The following AP3S2 variants were observed in gnomAD, a reference collection of about 807,000 sequenced individuals.
AP3S2 encodes the protein AP-3 complex subunit sigma-2.
AP3S2 carries 22 observed loss-of-function variants against 23.4 expected under a neutral mutation model. The ratio of observed to expected loss-of-function variants is 0.94; its 90% CI spans 0.67 to 1.34. The LOEUF (loss-of-function observed/expected upper bound fraction) is 1.34. AP3S2 is among the 40% of genes most tolerant of loss of function. The pLI is 0.00. For missense variants in AP3S2, 241 were observed against 236.9 expected (o/e 1.02, Z -0.11); for synonymous variants, 86 against 87.1 (o/e 0.99, Z 0.07).
chr15:89,885,982 T>C (rs1305481310), intron 3 of AP3S2, among the ~76,000 whole-genome samples: 1 of 151,958 alleles, frequency 6.6e-6, no homozygotes, highest in Non-Finnish European at 1.5e-5. Flanking sequence ...CCTATTATTT[T>C]TACATTTTAC....
chr15:89,844,210 T>C (rs1170937363), intron 4 of AP3S2, among the ~76,000 whole-genome samples: 2 of 8,668 alleles, frequency 2.3e-4, no homozygotes, highest in Admixed American at 8.8e-4. Flanking sequence ...TCTTTCTTTC[T>C]CTTTCTTTCT....
Position 89,864,894 on chromosome 15 carries a change from A to T in AP3S2, c.345+6581T>A, listed in dbSNP as rs113179171. On this transcript the variant is annotated intron_variant, in intron 4 of 5. Coordinates refer to ENST00000336418, the MANE Select transcript of AP3S2 (RefSeq NM_005829.5). ...CAGACAACCTCACAGAAGAAAGAAC[A>T]AAGGCCCTGAATAAACATTTCACTA... is the stretch of plus-strand genomic sequence containing the variant. 3.7e-3 allele frequency among the ~76,000 whole-genome samples: 563 copies of T among 152,160 alleles called. 7 individuals carry two copies. The highest frequency in any genetic ancestry group is 0.013 in the African/African-American group (541 of 41,436).
At chr15:89,875,688 T>A (rs148980178) in intron 3 of AP3S2, among the ~76,000 whole-genome samples, 1 of 152,326 alleles carries the variant, frequency 6.6e-6, no homozygotes, top group African/African-American at 2.4e-5. Flanking sequence ...GTGACTCACG[T>A]CTGTAGTCTC....
chr15:89,835,345 A>G lies in AP3S2; in HGVS notation c.*170T>C. 1 of 1,191,210 alleles carries G rather than the reference A, an allele frequency of 8.4e-7. No individual in the cohort carries two copies. The highest frequency in any genetic ancestry group is 1.2e-6 in the Non-Finnish European group (1 of 858,496). 73.8% of individuals were successfully genotyped at this position (1,191,210 alleles called of 1,614,324 possible). ...GAACTGGGTGCACCCGAGCAGTGTC[A>G]ATAGGAATCCCTTCCCTATTCCATG... On this transcript the variant is annotated 3_prime_UTR_variant, in exon 6 of 6. Transcript: ENST00000336418.
At chr15:89,859,647 G>A (rs1895963694) in intron 4 of AP3S2, among the ~76,000 whole-genome samples, 1 of 151,012 alleles carries the variant, frequency 6.6e-6, no homozygotes, top group Admixed American at 6.6e-5. Context: ...CACCCGCCTT[G>A]ACCTCCCAAA....
At chr15:89,882,117 T>A (rs112085005) in intron 3 of AP3S2, among the ~76,000 whole-genome samples, 2,867 of 152,186 alleles carry the variant, frequency 0.019, 37 homozygotes, top group Non-Finnish European at 0.028. Flanking sequence ...CCACCGTGCC[T>A]GGCTAACATA....
intron 4 of AP3S2, among the ~76,000 whole-genome samples, chr15:89,843,978 G>A (rs545251060): frequency 9.9e-4 from 151 of 152,212 alleles, no homozygotes; most frequent in African/African-American, 3.4e-3. Flanking sequence ...AAACTAGGAA[G>A]AGAAGAGGGG....
chr15:89,858,924 T>C (rs1895932660), intron 4 of AP3S2, among the ~76,000 whole-genome samples: 1 of 152,194 alleles, frequency 6.6e-6, no homozygotes, highest in Admixed American at 6.5e-5. Flanking sequence ...GATTGTGCAC[T>C]GAGGCAATCC....
chr15:89,867,162 G>T (rs1190157414), intron 4 of AP3S2, among the ~76,000 whole-genome samples: 7 of 148,770 alleles, frequency 4.7e-5, no homozygotes, highest in African/African-American at 1.5e-4. Context: ...GCCTGCGATT[G>T]CAGGCACGCG....
intron 4 of AP3S2, chr15:89,848,664 T>C (rs1379291703): frequency 6.6e-6 from 1 of 152,282 alleles, no homozygotes; most frequent in African/African-American, 2.4e-5. Context: ...GCTGGTTTCA[T>C]TAATTCCTAG....
intron 4 of AP3S2, among the ~76,000 whole-genome samples, chr15:89,850,916 T>C (rs1049793410): frequency 6.6e-6 from 1 of 152,146 alleles, no homozygotes; most frequent in Non-Finnish European, 1.5e-5. Context: ...GGTTTCACCA[T>C]GTTACCCAGG....
intron 3 of AP3S2, among the ~76,000 whole-genome samples, chr15:89,874,299 A>G (rs1007612112): frequency 1.3e-5 from 2 of 152,170 alleles, no homozygotes; most frequent in Non-Finnish European, 2.9e-5. Context: ...TGAAAGCTCT[A>G]CAATCATGGA....
At chr15:89,837,088 G>T (rs1330132794) in intron 5 of AP3S2, among the ~76,000 whole-genome samples, 3 of 152,208 alleles carry the variant, frequency 2.0e-5, no homozygotes, top group Non-Finnish European at 4.4e-5. Context: ...AGCACCATGT[G>T]GGGGTGGACT....
At chr15:89,859,363 TTCC>T (rs1357012020) in intron 4 of AP3S2, among the ~76,000 whole-genome samples, 25 of 113,830 alleles carry the variant, frequency 2.2e-4, no homozygotes, top group African/African-American at 8.4e-4. Flanking sequence ...TTTCCTTCCT[TTCC>T]TTCCTTCCTT....
At chr15:89,838,681 A>G (rs1895252633) in intron 4 of AP3S2, among the ~76,000 whole-genome samples, 1 of 152,232 alleles carries the variant, frequency 6.6e-6, no homozygotes, top group Admixed American at 6.5e-5. Flanking sequence ...TTGTTAACTA[A>G]GTGCCAAATG....
At chr15:89,841,183 G>A (rs1039590384) in intron 4 of AP3S2, among the ~76,000 whole-genome samples, 7 of 152,154 alleles carry the variant, frequency 4.6e-5, no homozygotes, top group African/African-American at 1.7e-4. Flanking sequence ...AACAGAAAAA[G>A]TCAGTTAAAA....
intron 4 of AP3S2, among the ~76,000 whole-genome samples, chr15:89,845,064 C>T (rs573838755): frequency 6.6e-6 from 1 of 152,012 alleles, no homozygotes; most frequent in Non-Finnish European, 1.5e-5. Context: ...CGCCACCACG[C>T]CCAGCTTATT....
At chr15:89,858,487 GAA>G (rs1491270502) in intron 4 of AP3S2, among the ~76,000 whole-genome samples, 771 of 69,544 alleles carry the variant, frequency 0.011, no homozygotes, top group African/African-American at 0.023. Context: ...AAGAAAGAAA[GAA>G]AGAAAGAGAG....
intron 4 of AP3S2, among the ~76,000 whole-genome samples, chr15:89,849,925 G>A (rs571482937): frequency 2.0e-5 from 3 of 152,060 alleles, no homozygotes; most frequent in Non-Finnish European, 2.9e-5. Flanking sequence ...AAAACATGTC[G>A]TGTTTGGTTT....
Sources: allele counts gnomAD v4.1 joint callset (sites outside exome capture counted in the v4.1 genomes callset), GRCh38; gene constraint gnomAD v4.1.1; transcripts MANE v1.5; gene names NCBI Gene and HGNC (gene_info 2026-07-23, HGNC 2026-07-21).